The following MAGI2 variants were observed in gnomAD, a reference collection of about 807,000 sequenced individuals.
MAGI2 encodes the protein membrane associated guanylate kinase, WW and PDZ domain containing 2.
A neutral mutation model predicts 133.3 loss-of-function variants in MAGI2; 35 were observed. The observed-to-expected ratio is 0.26, with a 90% CI of 0.20 to 0.35. The LOEUF is 0.35. MAGI2 is among the 10% of genes least tolerant of loss of function. MAGI2 has a pLI of 1.00. For missense variants in MAGI2, 1,636 were observed against 1,863.4 expected, an observed-to-expected ratio of 0.88 and a Z score of 2.25; for synonymous variants, 729 against 710.6, an observed-to-expected ratio of 1.03 and a Z score of -0.41.
chr7:79,427,325 T>A (rs1376092575), intron 1 of MAGI2, among the ~76,000 whole-genome samples: 1 of 152,162 alleles, frequency 6.6e-6, no homozygotes, highest in Non-Finnish European at 1.5e-5. Flanking sequence ...CATGTATACA[T>A]ATGTAACAAA....
intron 3 of MAGI2, among the ~76,000 whole-genome samples, chr7:78,626,807 C>G (rs1196943104): frequency 6.9e-6 from 1 of 144,414 alleles, no homozygotes; most frequent in Non-Finnish European, 1.5e-5. Context: ...CCTCAGGAGA[C>G]AAGCACAAGA....
intron 1 of MAGI2, among the ~76,000 whole-genome samples, chr7:79,356,679 A>G (rs1405564123): frequency 6.6e-6 from 1 of 152,176 alleles, no homozygotes; most frequent in Non-Finnish European, 1.5e-5. Flanking sequence ...TAATACTGGC[A>G]TTCATAGAAA....
chr7:78,918,530 T>C (rs531439716), intron 2 of MAGI2, among the ~76,000 whole-genome samples: 1 of 152,304 alleles, frequency 6.6e-6, no homozygotes, highest in Admixed American at 6.5e-5. Flanking sequence ...CAATAAACAT[T>C]TAATGATGGA....
intron 2 of MAGI2, among the ~76,000 whole-genome samples, chr7:78,640,446 A>C (rs1428877711): frequency 2.0e-5 from 3 of 152,226 alleles, no homozygotes; most frequent in Non-Finnish European, 2.9e-5. Context: ...AAAGAGAGCT[A>C]ATTAAGGCAC....
At chr7:78,536,069 G>A (rs1797873276) in intron 3 of MAGI2, among the ~76,000 whole-genome samples, 1 of 147,446 alleles carries the variant, frequency 6.8e-6, no homozygotes, top group African/African-American at 2.5e-5. Context: ...ATAAAACTCT[G>A]GCCTCCCATA....
chr7:79,043,287 G>A (rs1176259398), intron 1 of MAGI2, among the ~76,000 whole-genome samples: 1 of 151,970 alleles, frequency 6.6e-6, no homozygotes, highest in African/African-American at 2.4e-5. Flanking sequence ...GCTCACGCCT[G>A]TAATCCCAGC....
intron 1 of MAGI2, among the ~76,000 whole-genome samples, chr7:79,220,830 C>T (rs1019419428): frequency 5.3e-5 from 8 of 152,026 alleles, no homozygotes; most frequent in Non-Finnish European, 7.4e-5. Context: ...TCACGCCCAC[C>T]GTGGTACAAA....
chr7:78,274,471 G>T (rs2150994245), intron 9 of MAGI2, among the ~76,000 whole-genome samples: 1 of 152,300 alleles, frequency 6.6e-6, no homozygotes, highest in East Asian at 1.9e-4. Context: ...ATGCTGTGCT[G>T]GGAGAACCAC....
At chr7:79,356,100 G>T (rs1425931949) in intron 1 of MAGI2, among the ~76,000 whole-genome samples, 1 of 152,028 alleles carries the variant, frequency 6.6e-6, no homozygotes, top group African/African-American at 2.4e-5. Context: ...TTTGTCTACT[G>T]TACTTTGACA....
intron 2 of MAGI2, among the ~76,000 whole-genome samples, chr7:78,871,815 C>T (rs1245125250): frequency 6.6e-6 from 1 of 151,560 alleles, no homozygotes; most frequent in Non-Finnish European, 1.5e-5. Flanking sequence ...TAATTATATA[C>T]CTTTCCATTT....
rs139883123 is a variant in MAGI2 at position 78,687,696 on chromosome 7, C to T, written c.419-60457G>A. Among the ~76,000 whole-genome samples, 641 of 152,018 alleles carry T rather than the reference C, an allele frequency of 4.2e-3. 3 individuals carry two copies. The highest frequency in any genetic ancestry group is 3.7e-3 in the Non-Finnish European group (251 of 67,960). ...GCAAAATGAGCTTATAGACTGGGCG[C>T]GGTGGCTCACGCCTGTAATCCCAGC... On this transcript the variant is annotated intron_variant, in intron 2 of 21. Transcript: ENST00000354212.
At chr7:79,425,617 TAC>T (rs1289348252) in intron 1 of MAGI2, among the ~76,000 whole-genome samples, 8 of 150,040 alleles carry the variant, frequency 5.3e-5, no homozygotes, top group African/African-American at 1.7e-4. Flanking sequence ...TATGTATATA[TAC>T]GTTTTGATTA....
chr7:78,951,622 G>C (rs1048028272), intron 2 of MAGI2, among the ~76,000 whole-genome samples: 1 of 152,142 alleles, frequency 6.6e-6, no homozygotes, highest in South Asian at 2.1e-4. Flanking sequence ...TTTGGGTGGG[G>C]ACATGGTGAA....
At chr7:78,616,530 T>C (rs562656858) in intron 3 of MAGI2, 2 of 152,194 alleles carry the variant, frequency 1.3e-5, no homozygotes, top group Admixed American at 1.3e-4. Flanking sequence ...TATGAATTAG[T>C]GTAGGGAAAA....
At chr7:79,107,697 T>C (rs1818562148) in intron 1 of MAGI2, among the ~76,000 whole-genome samples, 1 of 152,180 alleles carries the variant, frequency 6.6e-6, no homozygotes, top group African/African-American at 2.4e-5. Context: ...TTCTTCATCT[T>C]CCTCCTCAAA....
chr7:78,238,770 C>T (rs372541872), intron 10 of MAGI2, among the ~76,000 whole-genome samples: 1 of 152,064 alleles, frequency 6.6e-6, no homozygotes, highest in African/African-American at 2.4e-5. Flanking sequence ...GCAGCTAGCA[C>T]GAGCCTTTAA....
Position 78,525,272 on chromosome 7 carries a change from A to G in MAGI2, c.539-3627T>C, listed in dbSNP as rs144778292. Among the ~76,000 whole-genome samples the G allele has an allele frequency of 3.9e-3, 592 of 152,272 alleles. 3 individuals are homozygous for G. Among genetic ancestry groups the G allele is most frequent in the African/African-American group, 0.013 (561 of 41,566 alleles). ...CACATAAATAATCCATACTCTTACT[A>G]CACTTGACAAATGTAATTCATAGAG... On this transcript the variant is annotated intron_variant, in intron 3 of 21. Transcript: ENST00000354212.
intron 2 of MAGI2, among the ~76,000 whole-genome samples, chr7:78,882,905 T>C (rs1795986749): frequency 1.3e-5 from 2 of 151,982 alleles, no homozygotes; most frequent in Non-Finnish European, 2.9e-5. Flanking sequence ...AACATCATAC[T>C]GAACAGGAAA....
In MAGI2 at chr7:79,281,914, C is replaced by CTA. The variant is rs1448387277; in HGVS notation, c.301+171104_301+171105dup. 2.0e-5 allele frequency among the ~76,000 whole-genome samples: 3 copies of CTA among 152,146 alleles called. No homozygotes were observed. In the East Asian group the frequency reaches 5.8e-4, roughly 29 times the overall value. On this transcript the variant is annotated intron_variant, in intron 1 of 21. Transcript: ENST00000354212. ...TTCCCACTTTTAATTGAAAATTATA[C>CTA]TATATATATAACTTTTATCATTCCT...
Sources: gnomAD v4.1 joint callset for allele counts (sites outside exome capture counted in the v4.1 genomes callset) on GRCh38, gnomAD v4.1.1 for gene constraint, MANE v1.5 for transcripts, NCBI Gene and HGNC (gene_info 2026-07-23, HGNC 2026-07-21) for gene names.